ROBO1: variants seen among roughly 807,000 people sequenced by gnomAD.
The protein encoded by ROBO1 is roundabout guidance receptor 1.
A neutral mutation model predicts 195.9 loss-of-function variants in ROBO1; 149 were observed. The observed-to-expected ratio is 0.76, with a 90% CI of 0.67 to 0.87. The LOEUF (loss-of-function observed/expected upper bound fraction) is 0.87, where lower values mean the gene tolerates loss of function less well. ROBO1 is among the 40% of genes least tolerant of loss of function. ROBO1 has a pLI of 0.00. For missense variants in ROBO1, 1,933 were observed against 2,068.3 expected (o/e 0.93, Z 1.27); for synonymous variants, 816 against 733.2 (o/e 1.11, Z -1.82).
chr3:78,990,227 C>A (rs1319079189), intron 3 of ROBO1, among the ~76,000 whole-genome samples: 1 of 152,102 alleles, frequency 6.6e-6, no homozygotes, highest in East Asian at 1.9e-4. Flanking sequence ...TGGCGATATG[C>A]CATTTTGGTC....
intron 2 of ROBO1, among the ~76,000 whole-genome samples, chr3:79,269,063 A>G (rs1307370059): frequency 6.6e-6 from 1 of 151,698 alleles, no homozygotes; most frequent in African/African-American, 2.4e-5. Flanking sequence ...CTAGCCAGTC[A>G]GTGGGAGATG....
chr3:79,273,941 G>A (rs559930392), intron 2 of ROBO1, among the ~76,000 whole-genome samples: 7 of 151,898 alleles, frequency 4.6e-5, no homozygotes, highest in South Asian at 2.1e-4. Flanking sequence ...AATAATAAAC[G>A]GGTTGATTCA....
chr3:79,282,690 G>A (rs1427793729), intron 2 of ROBO1, among the ~76,000 whole-genome samples: 8 of 152,122 alleles, frequency 5.3e-5, no homozygotes, highest in South Asian at 2.1e-4. Context: ...AAAATTTTAC[G>A]CATGTTGAGT....
rs146415087 is a variant in ROBO1, at chr3:78,934,023, T to C, written c.499+4578A>G. Among the ~76,000 whole-genome samples the C allele has an allele frequency of 1.8e-3, 280 of 152,130 alleles. 2 individuals are homozygous for C. Among genetic ancestry groups the C allele is most frequent in the African/African-American group, 5.5e-3 (230 of 41,560 alleles). The stretch of plus-strand genomic sequence containing the variant: ...ATTTAAATTTAAGTATCTTAGCAAA[T>C]GTATCTTCAAATTCAAAATAAAGTA... On this transcript the variant is annotated intron_variant, in intron 4 of 30. Transcript: ENST00000464233.
intron 1 of ROBO1, among the ~76,000 whole-genome samples, chr3:79,706,792 A>G (rs934934951): frequency 2.6e-5 from 4 of 151,964 alleles, no homozygotes; most frequent in African/African-American, 4.8e-5. Context: ...AGTCCATTAA[A>G]CCTCTTTCTT....
intron 2 of ROBO1, among the ~76,000 whole-genome samples, chr3:79,523,470 TTC>T (rs1170219492): frequency 6.9e-5 from 5 of 72,428 alleles, no homozygotes; most frequent in Admixed American, 2.3e-4. Flanking sequence ...TCTTTTTTTT[TTC>T]TTTTTTTTTT....
intron 14 of ROBO1, among the ~76,000 whole-genome samples, chr3:78,666,292 C>T (rs1056174245): frequency 1.3e-5 from 2 of 152,142 alleles, no homozygotes; most frequent in African/African-American, 4.8e-5. Flanking sequence ...TACATTGTTC[C>T]ACTAGCTATG....
At chr3:79,293,390 C>G (rs909768176) in intron 2 of ROBO1, among the ~76,000 whole-genome samples, 4 of 152,076 alleles carry the variant, frequency 2.6e-5, no homozygotes, top group African/African-American at 9.7e-5. Context: ...CAGTTCTGCT[C>G]TGCTCTTAGT....
At chr3:78,809,458 A>G (rs983955864) in intron 4 of ROBO1, among the ~76,000 whole-genome samples, 11 of 152,200 alleles carry the variant, frequency 7.2e-5, no homozygotes, top group African/African-American at 2.2e-4. Context: ...TAGAACCAGA[A>G]ATACCATTTG....
At chr3:78,777,736 T>A (rs1291182893) in intron 4 of ROBO1, among the ~76,000 whole-genome samples, 1 of 152,198 alleles carries the variant, frequency 6.6e-6, no homozygotes, top group Non-Finnish European at 1.5e-5. Context: ...AAGTTGCTTA[T>A]TGGGTTAAGG....
rs570324097 is a variant in ROBO1, at chr3:78,769,161, T to C, written c.500-22261A>G. Among the ~76,000 whole-genome samples the C allele has an allele frequency of 5.3e-5, 8 of 152,274 alleles. No individual in the cohort carries two copies. In the South Asian group the frequency reaches 8.3e-4, roughly 16 times the overall value. ...CCTGTCTAGTGCTGTCAGTGGAGTATTGAAGTCCACCACTATTATTGTGTT... is the reference window on the plus strand; with the variant it reads ...CCTGTCTAGTGCTGTCAGTGGAGTACTGAAGTCCACCACTATTATTGTGTT... On this transcript the variant is annotated intron_variant, in intron 4 of 30. Transcript: ENST00000464233.
intron 2 of ROBO1, among the ~76,000 whole-genome samples, chr3:79,519,484 C>T (rs1460624138): frequency 6.6e-6 from 1 of 151,488 alleles, no homozygotes; most frequent in African/African-American, 2.4e-5. Flanking sequence ...AAAAAATTAG[C>T]CGGGCGTGGT....
intron 2 of ROBO1, among the ~76,000 whole-genome samples, chr3:79,588,222 C>T (rs1157094978): frequency 6.6e-6 from 1 of 151,670 alleles, no homozygotes; most frequent in Non-Finnish European, 1.5e-5. Context: ...GCTTTTGCAC[C>T]TAAGCGTTCA....
At chr3:79,453,508 C>G (rs2039515192) in intron 2 of ROBO1, among the ~76,000 whole-genome samples, 3 of 152,002 alleles carry the variant, frequency 2.0e-5, no homozygotes, top group African/African-American at 7.2e-5. Context: ...TAGGCATTTT[C>G]ACGAAGCCTC....
chr3:78,801,901 C>T (rs2084383383), intron 4 of ROBO1, among the ~76,000 whole-genome samples: 1 of 152,024 alleles, frequency 6.6e-6, no homozygotes, highest in African/African-American at 2.4e-5. Flanking sequence ...GGATTTGTGA[C>T]AATTTTGTAG....
At chr3:79,128,351 C>G (rs1244114625) in intron 2 of ROBO1, among the ~76,000 whole-genome samples, 2 of 152,090 alleles carry the variant, frequency 1.3e-5, no homozygotes, top group Admixed American at 1.3e-4. Flanking sequence ...AATCTAAATT[C>G]CTGAGGATCA....
chr3:79,287,373 G>A (rs576262544), intron 2 of ROBO1, among the ~76,000 whole-genome samples: 1 of 152,238 alleles, frequency 6.6e-6, no homozygotes, highest in East Asian at 1.9e-4. Flanking sequence ...CACAGGAGAT[G>A]AAGTTTCTAG....
intron 26 of ROBO1, among the ~76,000 whole-genome samples, 180 bp downstream of exon 26, chr3:78,627,141 T>G (rs2107476241): frequency 6.6e-6 from 1 of 152,316 alleles, no homozygotes; most frequent in African/African-American, 2.4e-5. Context: ...GATCAATTAA[T>G]CTAATGCAAT....
intron 4 of ROBO1, among the ~76,000 whole-genome samples, chr3:78,899,466 G>C (rs997550693): frequency 2.0e-5 from 3 of 152,154 alleles, no homozygotes; most frequent in African/African-American, 7.2e-5. Flanking sequence ...TGCCACACTT[G>C]AGGTAGTTCA....
Sources: gnomAD v4.1 joint callset for allele counts (sites outside exome capture counted in the v4.1 genomes callset) on GRCh38, gnomAD v4.1.1 for gene constraint, MANE v1.5 for transcripts, NCBI Gene and HGNC (gene_info 2026-07-23, HGNC 2026-07-21) for gene names.